The following MED17 variants were observed in gnomAD, a reference collection of about 807,000 sequenced individuals.
MED17 encodes mediator of RNA polymerase II transcription subunit 17.
Under a neutral mutation model 80.8 loss-of-function variants are expected in MED17, and 49 were observed. That is an observed-to-expected ratio of 0.61 (90% CI 0.48 to 0.77). The LOEUF is 0.77. Ranked by LOEUF, MED17 falls within the 30% of genes least tolerant of loss-of-function variation. The pLI is 0.00. For missense variants in MED17, 718 were observed against 787.0 expected (o/e 0.91, Z 1.05); for synonymous variants, 281 against 280.4 (o/e 1.00, Z -0.02).
chr11:93,785,658 G>A (rs777173075), intron 1 of MED17, among the ~76,000 whole-genome samples: 1 of 152,182 alleles, frequency 6.6e-6, no homozygotes, highest in Non-Finnish European at 1.5e-5. Flanking sequence ...AGTGTTAGAA[G>A]AAATAATGAA....
intron 11 of MED17, chr11:93,810,093 C>T: frequency 1.9e-6 from 1 of 539,112 alleles, no homozygotes; most frequent in Non-Finnish European, 3.3e-6. Context: ...ATTGGCAGCA[C>T]ATTTTCCTGA....
intron 8 of MED17, chr11:93,801,017 G>T (rs1943956494): frequency 6.6e-6 from 1 of 152,118 alleles, no homozygotes. Flanking sequence ...TTATGCTTTG[G>T]TTCTAAGTGT....
At chr11:93,804,020 TATATATACACACAC>T (rs1943996708) in intron 9 of MED17, among the ~76,000 whole-genome samples, 6 of 21,128 alleles carry the variant, frequency 2.8e-4, no homozygotes, top group Middle Eastern at 0.042. Context: ...TATATATATA[TATATATACACACAC>T]ACATATACAC....
intron 8 of MED17, among the ~76,000 whole-genome samples, chr11:93,800,259 C>T (rs1943947856): frequency 6.6e-6 from 1 of 152,140 alleles, no homozygotes; most frequent in East Asian, 1.9e-4. Context: ...TGTAAAAGCC[C>T]CTTGTCCCCA....
At position 93,788,214 on chromosome 11, in the gene MED17, C is replaced by T. The variant is rs750076829; in HGVS notation, c.417+47C>T. On this transcript the variant is annotated intron_variant, in intron 2 of 11. Transcript: ENST00000251871. ...ATAATAAAATTTTATTTATTAAATC[C>T]CAGGACCCTTTTTTGGCTTTGTGCC... 4.6e-6 allele frequency: 7 copies of T among 1,522,444 alleles called. No homozygotes were observed. The South Asian group carries it at 8.1e-5, about 18-fold the overall frequency. 94.3% of individuals were successfully genotyped at this position (1,522,444 alleles called of 1,614,324 possible). A position where few individuals can be genotyped will look rare whatever the true frequency, so the allele number is the denominator to read the frequency against.
Position 93,784,611 on chromosome 11 carries a change from C to T in MED17, c.98C>T (p.Pro33Leu), listed in dbSNP as rs11539353. Residue 33 changes from proline (P) to leucine (L), a missense_variant, in exon 1 of 12, where the codon CCG (proline) becomes CTG (leucine). Physicochemically the swap from Pro to Leu is moderately conservative, Grantham distance 98 (BLOSUM62 -3). Transcript: ENST00000251871. The part of the protein sequence containing the change: ...GLDGTETYLP[P>L]LSMSQNLARL... Reference sequence around the variant, plus strand: ...GATGGCACCGAGACGTACCTGCCCCCGCTGTCCATGTCGCAGAATCTGGCG... The same window carrying T: ...GATGGCACCGAGACGTACCTGCCCCTGCTGTCCATGTCGCAGAATCTGGCG... The T allele has an allele frequency of 2.1e-5, 34 of 1,600,878 alleles. No individual in the cohort carries two copies. The highest frequency in any genetic ancestry group is 2.6e-5 in the Non-Finnish European group (31 of 1,175,030).
chr11:93,792,388 T>C (rs1342307509), intron 3 of MED17, among the ~76,000 whole-genome samples: 1 of 152,212 alleles, frequency 6.6e-6, no homozygotes, highest in Non-Finnish European at 1.5e-5. Context: ...TAATAGGTGG[T>C]CTGTAGAAGC....
chr11:93,809,762 A>G lies in MED17; in HGVS notation c.1630A>G (p.Met544Val). ...TGCAGTTCAGCAACTCGCCAAGGTT[A>G]TGGGCTGGCAAGTACTGAGCTTCAG... ...VHAVQQLAKV[M>V]GWQVLSFSNH... The change falls in exon 11 of 12, where the codon ATG becomes GTG. Residue 544 changes from methionine to valine, a missense_variant. Physicochemically the swap from Met to Val is conservative, Grantham distance 21. Coordinates refer to ENST00000251871, the MANE Select transcript of MED17 (RefSeq NM_004268.5). 6.2e-7 allele frequency: 1 copy of G among 1,614,152 alleles called. No individual in the cohort carries two copies. The highest frequency in any genetic ancestry group is 8.5e-7 in the Non-Finnish European group (1 of 1,180,018).
intron 9 of MED17, chr11:93,806,974 T>C (rs1478982198): frequency 6.4e-6 from 1 of 155,050 alleles, no homozygotes; most frequent in African/African-American, 2.4e-5. Context: ...AGTTGCATGG[T>C]CTGCTGGCAA....
At chr11:93,802,231 T>C (rs1048545924) in intron 9 of MED17, among the ~76,000 whole-genome samples, 1 of 152,038 alleles carries the variant, frequency 6.6e-6, no homozygotes, top group African/African-American at 2.4e-5. Context: ...ACCTCCTGAG[T>C]AGCTGGGACT....
chr11:93,784,807 A>G lies in MED17; in HGVS notation c.250+44A>G, dbSNP rs898825150. On this transcript the variant is annotated intron_variant, in intron 1 of 11. Coordinates refer to ENST00000251871, the MANE Select transcript of MED17 (RefSeq NM_004268.5). ...GCCCGAGTCCCCCGGTCTGGGTCCCAGCACCCGCGCGGGCCTCCGCCTCTC... is the reference window on the plus strand; with the variant it reads ...GCCCGAGTCCCCCGGTCTGGGTCCCGGCACCCGCGCGGGCCTCCGCCTCTC... 14 of 1,532,078 alleles carry G rather than the reference A, an allele frequency of 9.1e-6. No homozygotes were observed. In the African/African-American group the frequency reaches 1.5e-4, roughly 16 times the overall value. 94.9% of individuals were successfully genotyped at this position (1,532,078 alleles called of 1,614,324 possible). A position where few individuals can be genotyped will look rare whatever the true frequency, so the allele number is the denominator to read the frequency against.
In MED17 at chr11:93,797,836, G is replaced by A. The variant is rs1028808177; in HGVS notation, c.1328+117G>A. The A allele has an allele frequency of 5.1e-5, 47 of 921,158 alleles. No homozygotes were observed. The African/African-American group carries it at 7.6e-4, about 15-fold the overall frequency. 57.1% of individuals were successfully genotyped at this position (921,158 alleles called of 1,614,324 possible). On this transcript the variant is annotated intron_variant, in intron 8 of 11. Coordinates refer to ENST00000251871, the MANE Select transcript of MED17 (RefSeq NM_004268.5). ...TGACTTTTTTATTTTAGGGAGAGGA[G>A]GTGGTAAGAGTTTATTTGCGGTCAT...
intron 3 of MED17, chr11:93,793,527 A>G (rs1434462739): frequency 2.0e-6 from 1 of 488,708 alleles, no homozygotes; most frequent in Non-Finnish European, 3.6e-6. Flanking sequence ...TTTTTTTTTT[A>G]AGGTAAATAA....
chr11:93,814,510 T>G lies in MED17; in HGVS notation c.*2446T>G, dbSNP rs1465341223. The G allele has an allele frequency of 6.6e-6, 1 of 152,202 alleles. No homozygotes were observed. The highest frequency in any genetic ancestry group is 1.5e-5 in the Non-Finnish European group (1 of 68,044). 9.4% of individuals were successfully genotyped at this position (152,202 alleles called of 1,614,324 possible). On this transcript the variant is annotated 3_prime_UTR_variant, in exon 12 of 12. Coordinates refer to ENST00000251871, the MANE Select transcript of MED17 (RefSeq NM_004268.5). The stretch of plus-strand genomic sequence containing the variant: ...TCTGCTACTGGCTTGCTGTATGAAC[T>G]TGGCAAGGATTCTCTGTGAACTTGT...
At position 93,791,936 on chromosome 11, in the gene MED17, G is replaced by A. The variant is rs75856357; in HGVS notation, c.637+1143G>A. ...AACTAGGGCTACAGCACTAACTTAG[G>A]GAATGCAACTTTTGGGGGCATACTA... On this transcript the variant is annotated intron_variant, in intron 3 of 11. Coordinates refer to ENST00000251871, the MANE Select transcript of MED17 (RefSeq NM_004268.5). Among the ~76,000 whole-genome samples, 762 of 152,212 alleles carry A rather than the reference G, an allele frequency of 5.0e-3. 8 individuals are homozygous for A. The highest frequency in any genetic ancestry group is 0.017 in the African/African-American group (687 of 41,532).
chr11:93,793,942 G>C lies in MED17; in HGVS notation c.775-9G>C. ...TTTGTTAACTTTTTTTGTTTTTGTT[G>C]TCATATAGGTTTCAATACAAAAACA... On this transcript the variant is annotated splice_polypyrimidine_tract_variant and intron_variant, in intron 4 of 11. Transcript: ENST00000251871. The C allele has an allele frequency of 6.2e-7, 1 of 1,613,584 alleles. No individual in the cohort carries two copies. The highest frequency in any genetic ancestry group is 8.5e-7 in the Non-Finnish European group (1 of 1,179,812).
rs1943743487 is a variant in MED17 at position 93,784,306 on chromosome 11, A to T, written c.-208A>T. Reference sequence around the variant, plus strand: ...CAGTTTTGCTCCGAAAGACTTACCGAGGAGGGAGCTTGCGGTGCGTTCTGG... The same window carrying T: ...CAGTTTTGCTCCGAAAGACTTACCGTGGAGGGAGCTTGCGGTGCGTTCTGG... On this transcript the variant is annotated 5_prime_UTR_variant, in exon 1 of 12. Transcript: ENST00000251871. The T allele has an allele frequency of 6.2e-6, 4 of 649,688 alleles. No homozygotes were observed. In the South Asian group the frequency reaches 8.8e-5, roughly 14 times the overall value. The allele number at this position is 649,688 out of a possible 1,614,324, so 40.2% of individuals were successfully genotyped here.
chr11:93,795,141 G>A, intron 6 of MED17, 81 bp downstream of exon 6: 1 of 1,459,664 alleles, frequency 6.9e-7, no homozygotes. Context: ...CTCTTAGGGT[G>A]TATTGGGAGA....
chr11:93,797,526 T>G lies in MED17; in HGVS notation c.1144-9T>G. On this transcript the variant is annotated splice_polypyrimidine_tract_variant and intron_variant, in intron 7 of 11. Coordinates refer to ENST00000251871, the MANE Select transcript of MED17 (RefSeq NM_004268.5). Reference sequence around the variant, plus strand: ...GGATATTGGTATTTAAAATGGCTGTTTTTGTTAGTTTCATAAACAGACCTT... The same window carrying G: ...GGATATTGGTATTTAAAATGGCTGTGTTTGTTAGTTTCATAAACAGACCTT... 1 of 1,613,436 alleles carries G rather than the reference T, an allele frequency of 6.2e-7. No homozygotes were observed. The highest frequency in any genetic ancestry group is 8.5e-7 in the Non-Finnish European group (1 of 1,179,356).
Sources: allele counts gnomAD v4.1 joint callset (sites outside exome capture counted in the v4.1 genomes callset), GRCh38; gene constraint gnomAD v4.1.1; transcripts MANE v1.5; gene names NCBI Gene and HGNC (gene_info 2026-07-23, HGNC 2026-07-21).